Variants in TDRD6 observed in about 807,000 individuals in gnomAD.
TDRD6 encodes the protein tudor domain-containing protein 6.
TDRD6 carries 186 observed loss-of-function variants against 157.5 expected under a neutral mutation model. The ratio of observed to expected loss-of-function variants is 1.18; its 90% confidence interval spans 1.05 to 1.33. The LOEUF (loss-of-function observed/expected upper bound fraction) is 1.33, where lower values mean the gene tolerates loss of function less well. Among genes scored for constraint, TDRD6 ranks in the 40% most tolerant of loss-of-function variants. The pLI, the probability that TDRD6 is intolerant of heterozygous loss-of-function variation, is 0.00. For synonymous variants in TDRD6, 1,075 were observed against 945.2 expected, an observed-to-expected ratio of 1.14 and a Z score of -2.52; for missense variants, 3,066 against 2,508.0, an observed-to-expected ratio of 1.22 and a Z score of -4.75.
chr6:46,695,900 A>G lies in TDRD6; in HGVS notation c.6126A>G (p.Thr2042=), dbSNP rs1764481793. 1 of 1,613,502 alleles carries G rather than the reference A, an allele frequency of 6.2e-7. No individual in the cohort carries two copies. The highest frequency in any genetic ancestry group is 1.3e-5 in the African/African-American group (1 of 74,902). ...KCVVWSSLRN[T]WSKCEILETA... is the part of the protein sequence containing the mutation. ...TTGTGTGGTCAAGTCTAAGAAACACATGGTCTAAATGTGAGATTTTAGAAA... is the reference window on the plus strand; with the variant it reads ...TTGTGTGGTCAAGTCTAAGAAACACGTGGTCTAAATGTGAGATTTTAGAAA... The change falls in exon 2 of 4, where the codon ACA becomes ACG. Residue 2042 remains threonine, a synonymous_variant. Coordinates refer to ENST00000316081, the MANE Select transcript of TDRD6 (RefSeq NM_001010870.3).
upstream of TDRD6, among the ~76,000 whole-genome samples, chr6:46,684,485 T>C (rs1430491256): frequency 2.6e-5 from 4 of 152,162 alleles, no homozygotes; most frequent in African/African-American, 9.7e-5. Flanking sequence ...TGCCTGATGC[T>C]ATCCCTTTAT....
At chr6:46,685,762 A>T (rs1160910565), upstream of TDRD6, among the ~76,000 whole-genome samples, 2 of 81,932 alleles carry the variant, frequency 2.4e-5, no homozygotes, top group Admixed American at 1.5e-4. Flanking sequence ...AACTTAAAGT[A>T]CAATAATAAT....
At chr6:46,699,335 A>G (rs561132189) in intron 3 of TDRD6, among the ~76,000 whole-genome samples, 5 of 152,212 alleles carry the variant, frequency 3.3e-5, no homozygotes, top group Non-Finnish European at 7.3e-5. Context: ...TATTCTTCAG[A>G]TGACAGAAAG....
chr6:46,684,269 G>A (rs1764033859), upstream of TDRD6, among the ~76,000 whole-genome samples: 2 of 151,878 alleles, frequency 1.3e-5, no homozygotes, highest in East Asian at 3.9e-4. Context: ...AAACGTATAG[G>A]GATATACCAT....
At position 46,701,544 on chromosome 6, in the gene TDRD6, T is replaced by C. The variant is rs1189209579; in HGVS notation, c.6262-314T>C. 2.6e-5 allele frequency among the ~76,000 whole-genome samples: 4 copies of C among 150,994 alleles called. No homozygotes were observed. The East Asian group carries it at 7.7e-4, about 29-fold the overall frequency. On this transcript the variant is annotated intron_variant, in intron 3 of 3. Transcript: ENST00000316081. ...TAGCTTTAATATCATGTGAAAAATA[T>C]ATACTAATCAAAAAGGAAAAAGAAC...
chr6:46,696,597 ATATATTTTTTTTTTT>A (rs1764508816), intron 2 of TDRD6, among the ~76,000 whole-genome samples: 3 of 32,128 alleles, frequency 9.3e-5, no homozygotes, highest in African/African-American at 2.1e-4. Context: ...ATATATATAT[ATATATTTTTTTTTTT>A]TTTTTTTTTT....
intron 3 of TDRD6, chr6:46,700,959 G>T: frequency 2.6e-6 from 1 of 385,636 alleles, no homozygotes; most frequent in South Asian, 2.0e-5. Context: ...TTGTACTCGT[G>T]ATAAAGAATC....
Position 46,703,423 on chromosome 6 carries a change from A to G in TDRD6, c.*1536A>G, listed in dbSNP as rs1764671539. 1 of 152,136 alleles carries G rather than the reference A, an allele frequency of 6.6e-6. No homozygotes were observed. Among genetic ancestry groups the G allele is most frequent in the Non-Finnish European group, 1.5e-5 (1 of 67,982 alleles). 9.4% of individuals were successfully genotyped at this position (152,136 alleles called of 1,614,324 possible). ...ATGTGAATTGCCAGAAGCAAAGCTC[A>G]GAGAAGATGCATTAGGATCAGATTA... is the stretch of plus-strand genomic sequence containing the variant. On this transcript the variant is annotated 3_prime_UTR_variant, in exon 4 of 4. Transcript: ENST00000316081.
intron 3 of TDRD6, among the ~76,000 whole-genome samples, chr6:46,698,916 T>C (rs547323177): frequency 1.3e-5 from 2 of 152,320 alleles, no homozygotes; most frequent in African/African-American, 4.8e-5. Context: ...TGGTTGGTGA[T>C]TGTCCTGTCA....
chr6:46,688,418 T>C lies in TDRD6; in HGVS notation c.290T>C (p.Phe97Ser). The change falls in exon 1 of 4, where the codon TTC (phenylalanine) becomes TCC (serine). Residue 97 changes from phenylalanine (F) to serine (S), a missense_variant. Phe to Ser is a radical substitution (Grantham distance 155, BLOSUM62 -2). Coordinates refer to ENST00000316081, the MANE Select transcript of TDRD6 (RefSeq NM_001010870.3). ...CGGCAGGCACAGGAGAGCCGTGTCTTCCTGCTGGACGAGGGCCGCACCATC... is the reference window on the plus strand; with the variant it reads ...CGGCAGGCACAGGAGAGCCGTGTCTCCCTGCTGGACGAGGGCCGCACCATC... The part of the protein sequence containing the change: ...VSRQAQESRV[F>S]LLDEGRTITA... 6.5e-7 allele frequency: 1 copy of C among 1,540,190 alleles called. No homozygotes were observed. Among genetic ancestry groups the C allele is most frequent in the Middle Eastern group, 1.7e-4 (1 of 5,976 alleles).
Position 46,695,934 on chromosome 6 carries a change from G to A in TDRD6, c.6160G>A (p.Glu2054Lys). The change falls in exon 2 of 4, where the codon GAA (glutamate) becomes AAA (lysine). Residue 2054 changes from glutamate (E) to lysine (K), a missense_variant. Physicochemically the swap from Glu to Lys is moderately conservative, Grantham distance 56. Transcript: ENST00000316081. ...SKCEILETAE[E>K]GTRVLNLSNG... ...ATGTGAGATTTTAGAAACAGCTGAA[G>A]AAGGAACAAGGGTAAGTGATGTTTA... is the stretch of plus-strand genomic sequence containing the variant. 6.2e-7 allele frequency: 1 copy of A among 1,613,024 alleles called. No homozygotes were observed. Among genetic ancestry groups the A allele is most frequent in the Non-Finnish European group, 8.5e-7 (1 of 1,179,490 alleles).
chr6:46,703,864 T>G lies in TDRD6; in HGVS notation c.*1977T>G, dbSNP rs1428906767. ...TATGCTGTAATACCTGTGGAACCTT[T>G]CTTTAGCAAGTAGAATGCCTTAAAG... On this transcript the variant is annotated 3_prime_UTR_variant, in exon 4 of 4. Coordinates refer to ENST00000316081, the MANE Select transcript of TDRD6 (RefSeq NM_001010870.3). 1 of 152,266 alleles carries G rather than the reference T, an allele frequency of 6.6e-6. No individual in the cohort carries two copies. Among genetic ancestry groups the G allele is most frequent in the Non-Finnish European group, 1.5e-5 (1 of 68,096 alleles). 9.4% of individuals were successfully genotyped at this position (152,266 alleles called of 1,614,324 possible).
At chr6:46,701,126 G>A (rs1211327624) in intron 3 of TDRD6, 1 of 353,926 alleles carries the variant, frequency 2.8e-6, no homozygotes, top group Admixed American at 3.7e-5. Flanking sequence ...TAAAAATATT[G>A]TTATGCTGAA....
Position 46,689,484 on chromosome 6 carries a change from A to G in TDRD6, c.1356A>G (p.Thr452=), listed in dbSNP as rs144366776. 39 of 1,613,838 alleles carry G rather than the reference A, an allele frequency of 2.4e-5. No individual in the cohort carries two copies. The African/African-American group carries it at 3.9e-4, about 16-fold the overall frequency. Residue 452 remains threonine, a synonymous_variant, in exon 1 of 4, where the codon ACA becomes ACG. Transcript: ENST00000316081. ...LADRVLQSQA[T]EEEEPETSQS... ...ACCGAGTCCTTCAGAGCCAGGCAACAGAGGAGGAGGAACCAGAAACATCTC... is the reference window on the plus strand; with the variant it reads ...ACCGAGTCCTTCAGAGCCAGGCAACGGAGGAGGAGGAACCAGAAACATCTC...
rs757004214 is a variant in TDRD6, at chr6:46,688,136, C to G, written c.8C>G (p.Ser3Trp). Residue 3 changes from serine to tryptophan, a missense_variant, in exon 1 of 4, where the codon TCG becomes TGG. Physicochemically the swap from Ser to Trp is radical, Grantham distance 177. Transcript: ENST00000316081. MC[S>W]TPGMPAPGAS... The stretch of plus-strand genomic sequence containing the variant: ...CCGCGCCGCGCCGTCAAGATGTGCT[C>G]GACGCCCGGAATGCCGGCGCCGGGG... The G allele has an allele frequency of 1.1e-5, 17 of 1,535,452 alleles. No homozygotes were observed. Among genetic ancestry groups the G allele is most frequent in the East Asian group, 7.3e-5 (3 of 40,920 alleles).
Position 46,692,074 on chromosome 6 carries a change from G to T in TDRD6, c.3946G>T (p.Asp1316Tyr). The part of the protein sequence containing the change: ...KTTVYVSHIN[D>Y]LSDFYVQLIE... The stretch of plus-strand genomic sequence containing the variant: ...AACTGTATATGTTTCTCATATAAAT[G>T]ACCTTTCAGACTTTTATGTTCAACT... The change falls in exon 1 of 4, where the codon GAC becomes TAC. Residue 1316 changes from aspartate (D) to tyrosine (Y), a missense_variant. By Grantham distance (160) the Asp-to-Tyr change is radical (BLOSUM62 -3). Coordinates refer to ENST00000316081, the MANE Select transcript of TDRD6 (RefSeq NM_001010870.3). 1 of 1,612,626 alleles carries T rather than the reference G, an allele frequency of 6.2e-7. No individual in the cohort carries two copies. The highest frequency in any genetic ancestry group is 1.1e-5 in the South Asian group (1 of 90,806).
At chr6:46,696,007 C>A in intron 2 of TDRD6, 62 bp downstream of exon 2, 1 of 1,533,540 alleles carries the variant, frequency 6.5e-7, no homozygotes, top group Non-Finnish European at 8.8e-7. Flanking sequence ...GAAAGTTTAC[C>A]AGACTCTGTC....
rs772534848 is a variant in TDRD6, at chr6:46,691,517, C to G, written c.3389C>G (p.Ala1130Gly). ...AAGTCATTGAAGGCTTTAGTTGTAG[C>G]AAAAGATCCAGATGGAACACTGATT... Reference protein sequence around the residue: ...LDKSLKALVVAKDPDGTLIIE... With the variant: ...LDKSLKALVVGKDPDGTLIIE... Residue 1130 changes from alanine to glycine, a missense_variant, in exon 1 of 4, where the codon GCA (alanine) becomes GGA (glycine). Coordinates refer to ENST00000316081, the MANE Select transcript of TDRD6 (RefSeq NM_001010870.3). 2 of 1,613,876 alleles carry G rather than the reference C, an allele frequency of 1.2e-6. No homozygotes were observed. The highest frequency in any genetic ancestry group is 1.7e-5 in the Admixed American group (1 of 60,014).
At position 46,688,257 on chromosome 6, in the gene TDRD6, C is replaced by T; in HGVS notation, c.129C>T (p.Tyr43=). The change falls in exon 1 of 4, where the codon TAC becomes TAT. Residue 43 remains tyrosine, a synonymous_variant. Coordinates refer to ENST00000316081, the MANE Select transcript of TDRD6 (RefSeq NM_001010870.3). ...WGLVGERRGE[Y]LRLSREIQEA... ...TGGTGGGCGAGCGGCGGGGCGAGTA[C>T]CTGCGGCTGAGCCGGGAAATCCAGG... is the stretch of plus-strand genomic sequence containing the variant. The T allele has an allele frequency of 6.6e-7, 1 of 1,512,106 alleles. No individual in the cohort carries two copies. The highest frequency in any genetic ancestry group is 8.8e-7 in the Non-Finnish European group (1 of 1,137,554). The allele number at this position is 1,512,106 out of a possible 1,614,324, so 93.7% of individuals were successfully genotyped here.
Sources: gnomAD v4.1 joint callset for allele counts (sites outside exome capture counted in the v4.1 genomes callset) on GRCh38, gnomAD v4.1.1 for gene constraint, MANE v1.5 for transcripts, NCBI Gene and HGNC (gene_info 2026-07-23, HGNC 2026-07-21) for gene names.